Variants in FAT1 observed in about 807,000 individuals in gnomAD.
FAT1 encodes protocadherin Fat 1.
In FAT1, 171 loss-of-function variants were observed where a neutral mutation model predicts 329.8. The ratio of observed to expected loss-of-function variants is 0.52; its 90% CI spans 0.46 to 0.59. The LOEUF is 0.59. Ranked by LOEUF, FAT1 falls within the 20% of genes least tolerant of loss-of-function variation. The pLI, the probability that FAT1 is intolerant of heterozygous loss-of-function variation, is 0.00. For missense variants in FAT1, 5,672 were observed against 5,774.4 expected (o/e 0.98, Z 0.57); for synonymous variants, 2,233 against 2,228.6 (o/e 1.00, Z -0.06).
At chr4:186,609,679 C>A in intron 15 of FAT1, 122 bp downstream of exon 15, 1 of 696,874 alleles carries the variant, frequency 1.4e-6, no homozygotes. Context: ...TAACAAAAGA[C>A]ACTTTCAAAT....
In FAT1 at chr4:186,663,619, G is replaced by A. The variant is rs539172177; in HGVS notation, c.3266-6C>T. 3.1e-6 allele frequency: 5 copies of A among 1,589,474 alleles called. No homozygotes were observed. Among genetic ancestry groups the A allele is most frequent in the Non-Finnish European group, 3.4e-6 (4 of 1,171,904 alleles). ...ATCTGACGTCTCTATGACACCTACAGAGAAAAAAGAAAAGCGTAAAGCAGC... is the reference window on the plus strand; with the variant it reads ...ATCTGACGTCTCTATGACACCTACAAAGAAAAAAGAAAAGCGTAAAGCAGC... On this transcript the variant is annotated splice_polypyrimidine_tract_variant and splice_region_variant and intron_variant, in intron 2 of 26. Transcript: ENST00000441802.
Position 186,648,468 on chromosome 4 carries a change from T to C in FAT1, c.3581-8685A>G, listed in dbSNP as rs189547161. On this transcript the variant is annotated intron_variant, in intron 3 of 26. Coordinates refer to ENST00000441802, the MANE Select transcript of FAT1 (RefSeq NM_005245.4). ...TGAAGTGGCATATCCTATATGACTTTTTCTAATGTTTTTGAGTTGCAGCAA... is the reference window on the plus strand; with the variant it reads ...TGAAGTGGCATATCCTATATGACTTCTTCTAATGTTTTTGAGTTGCAGCAA... 1.8e-3 allele frequency among the ~76,000 whole-genome samples: 269 copies of C among 152,292 alleles called. 2 individuals are homozygous for C. The Middle Eastern group carries it at 0.031, about 17-fold the overall frequency.
intron 1 of FAT1, among the ~76,000 whole-genome samples, chr4:186,722,857 G>A (rs2126726236): frequency 6.6e-6 from 1 of 151,826 alleles, no homozygotes; most frequent in South Asian, 2.1e-4. Context: ...CCCGGGAATT[G>A]CTTAACAAAA....
intron 14 of FAT1, 142 bp downstream of exon 14, chr4:186,611,244 A>C (rs1048525411): frequency 2.5e-5 from 17 of 678,366 alleles, no homozygotes; most frequent in Middle Eastern, 4.1e-4. Flanking sequence ...TCCCACTGTA[A>C]ATAACTAAAA....
intron 2 of FAT1, among the ~76,000 whole-genome samples, chr4:186,674,021 A>G (rs1450101547): frequency 6.6e-6 from 1 of 152,222 alleles, no homozygotes; most frequent in Non-Finnish European, 1.5e-5. Flanking sequence ...CAGAGAATAT[A>G]TTTTACCTAC....
At chr4:186,601,602 G>A in intron 20 of FAT1, 176 bp from the exon 21 acceptor site, 1 of 464,580 alleles carries the variant, frequency 2.2e-6, no homozygotes, top group East Asian at 3.0e-5. Flanking sequence ...CAGCATGACT[G>A]GCTCTCTGTT....
intron 4 of FAT1, among the ~76,000 whole-genome samples, chr4:186,638,499 CG>C (rs1740941492): frequency 6.6e-6 from 1 of 151,854 alleles, no homozygotes. Context: ...TGAATTCAAG[CG>C]AACTTTACAC....
intron 2 of FAT1, among the ~76,000 whole-genome samples, chr4:186,674,831 C>T (rs548637516): frequency 1.3e-4 from 20 of 152,186 alleles, no homozygotes; most frequent in African/African-American, 4.3e-4. Flanking sequence ...CCCAAGAGTT[C>T]GAGTACAGCC....
At chr4:186,609,096 A>G in intron 16 of FAT1, 87 bp downstream of exon 16, 6 of 1,503,716 alleles carry the variant, frequency 4.0e-6, no homozygotes, top group Non-Finnish European at 5.4e-6. Flanking sequence ...TCCTGCTCAC[A>G]CCACGCCCAG....
In FAT1 at chr4:186,660,335, A is replaced by G. The variant is rs1006715652; in HGVS notation, c.3580+2964T>C. Among the ~76,000 whole-genome samples, 5 of 152,222 alleles carry G rather than the reference A, an allele frequency of 3.3e-5. No homozygotes were observed. The South Asian group carries it at 1.0e-3, about 32-fold the overall frequency. ...CTTTCTGCTGAGGTGGGGGAAGAGA[A>G]GCATCTAGAAACAGATCTAATGAAG... On this transcript the variant is annotated intron_variant, in intron 3 of 26. Coordinates refer to ENST00000441802, the MANE Select transcript of FAT1 (RefSeq NM_005245.4).
chr4:186,611,898 A>C (rs1739466216), intron 13 of FAT1, 123 bp from the exon 14 acceptor site: 1 of 675,390 alleles, frequency 1.5e-6, no homozygotes, highest in Middle Eastern at 4.2e-4. Context: ...ATCTTGGCTC[A>C]CTGCAACCTC....
At chr4:186,698,782 G>A (rs775480943) in intron 2 of FAT1, among the ~76,000 whole-genome samples, 3 of 152,232 alleles carry the variant, frequency 2.0e-5, no homozygotes, top group Non-Finnish European at 2.9e-5. Context: ...TGGACCCCGT[G>A]CGATGGGAGA....
In FAT1 at chr4:186,600,258, C is replaced by A. The variant is rs2126414203; in HGVS notation, c.11743G>T (p.Ala3915Ser). ...GCATAGTTTCCATTCACTTCCAGGG[C>A]CACTGCGTGCCACTGCCCATCATTG... ...QVNDGQWHAV[A>S]LEVNGNYARL... Residue 3915 changes from alanine (A) to serine (S), a missense_variant, in exon 22 of 27, where the codon GCC (alanine) becomes TCC (serine). Ala to Ser is a moderately conservative substitution (Grantham distance 99, BLOSUM62 1). This residue lies in a region of FAT1 where 1,706 missense variants were observed against 1,859.1 expected (regional missense o/e 0.92). Transcript: ENST00000441802. The A allele has an allele frequency of 6.2e-7, 1 of 1,613,892 alleles. No homozygotes were observed. Among genetic ancestry groups the A allele is most frequent in the East Asian group, 2.2e-5 (1 of 44,880 alleles).
rs2126571501 is a variant in FAT1 at position 186,639,780 on chromosome 4, A to G, written c.3584T>C (p.Leu1195Pro). ...GFFSIHPKTG[L>P]ITTTSRKLDR... ...TAGCTTCCTTGACGTAGTTGTGATG[A>G]GACCTGTAAAATGATAACAGTTCAT... Residue 1195 changes from leucine (L) to proline (P), a missense_variant, in exon 4 of 27, where the codon CTC (leucine) becomes CCC (proline). Coordinates refer to ENST00000441802, the MANE Select transcript of FAT1 (RefSeq NM_005245.4). 6.2e-7 allele frequency: 1 copy of G among 1,611,864 alleles called. No homozygotes were observed. The highest frequency in any genetic ancestry group is 2.2e-5 in the East Asian group (1 of 44,858).
At chr4:186,636,516 A>G (rs1740824724) in intron 5 of FAT1, 69 bp downstream of exon 5, 2 of 1,453,768 alleles carry the variant, frequency 1.4e-6, no homozygotes, top group East Asian at 4.6e-5. Flanking sequence ...AAGTTACTAA[A>G]GAAAAAATAC....
intron 2 of FAT1, among the ~76,000 whole-genome samples, chr4:186,669,267 C>T (rs1004759211): frequency 6.6e-6 from 1 of 152,160 alleles, no homozygotes; most frequent in Non-Finnish European, 1.5e-5. Flanking sequence ...AGCCAGATGC[C>T]GGGAGCAACA....
At chr4:186,726,196 T>G (rs960761), upstream of FAT1, among the ~76,000 whole-genome samples, 25,487 of 152,226 alleles carry the variant, frequency 0.17, 3,134 homozygotes, top group African/African-American at 0.35. Context: ...TCATCGCCGA[T>G]CCGCACAAAG....
intron 26 of FAT1, among the ~76,000 whole-genome samples, chr4:186,590,020 C>G (rs1321835406): frequency 6.6e-6 from 1 of 152,054 alleles, no homozygotes; most frequent in Non-Finnish European, 1.5e-5. Context: ...ATTGAACAAG[C>G]GTTGCAAGAT....
rs192189687 is a variant in FAT1 at position 186,622,615 on chromosome 4, G to A, written c.4811-840C>T. The stretch of plus-strand genomic sequence containing the variant: ...ACCTCCTTTTCTTTGGACCTTTTCA[G>A]GCTATACTGTATGTATCTTTAGCTG... On this transcript the variant is annotated intron_variant, in intron 9 of 26. Transcript: ENST00000441802. 7.3e-3 allele frequency among the ~76,000 whole-genome samples: 1,110 copies of A among 152,240 alleles called. 5 individuals carry two copies. The highest frequency in any genetic ancestry group is 0.012 in the Non-Finnish European group (834 of 68,006).
Sources: allele counts gnomAD v4.1 joint callset (sites outside exome capture counted in the v4.1 genomes callset), GRCh38; gene constraint gnomAD v4.1.1; regional missense constraint gnomAD v4.1.1; transcripts MANE v1.5; gene names NCBI Gene and HGNC (gene_info 2026-07-23, HGNC 2026-07-21).